PLA2R1: variants seen among roughly 807,000 people sequenced by gnomAD.
The protein encoded by PLA2R1 is secretory phospholipase A2 receptor.
Under a neutral mutation model 195.9 loss-of-function variants are expected in PLA2R1, and 158 were observed. The ratio of observed to expected loss-of-function variants is 0.81; its 90% CI spans 0.71 to 0.92. The LOEUF is 0.92. Among genes scored for constraint, PLA2R1 ranks in the 40% least tolerant of loss-of-function variants. The pLI, the probability that PLA2R1 is intolerant of heterozygous loss-of-function variation, is 0.00. For missense variants in PLA2R1, 1,626 were observed against 1,764.6 expected (o/e 0.92, Z 1.41); for synonymous variants, 586 against 598.2 (o/e 0.98, Z 0.30).
chr2:160,050,296 G>T (rs1695137616), intron 1 of PLA2R1, among the ~76,000 whole-genome samples: 1 of 152,204 alleles, frequency 6.6e-6, no homozygotes, highest in African/African-American at 2.4e-5. Context: ...ACATGTACTT[G>T]CCCACTTTCT....
chr2:159,946,636 G>A (rs1230405326), intron 27 of PLA2R1, 165 bp downstream of exon 27: 1 of 1,364,446 alleles, frequency 7.3e-7, no homozygotes, highest in Non-Finnish European at 9.4e-7. Flanking sequence ...AAAGGGTAAA[G>A]AAAAGGGTTG....
rs60471867 is a variant in PLA2R1 at position 160,024,287 on chromosome 2, T to A, written c.1100-1428A>T. ...TCTACCTCGTGGCCCACCATCCCCATGCCAAGCTGCTGTGGGGCTCTCACT... is the reference window on the plus strand; with the variant it reads ...TCTACCTCGTGGCCCACCATCCCCAAGCCAAGCTGCTGTGGGGCTCTCACT... On this transcript the variant is annotated intron_variant, in intron 6 of 29. Transcript: ENST00000283243. 5.9e-5 allele frequency among the ~76,000 whole-genome samples: 9 copies of A among 152,254 alleles called. No homozygotes were observed. In the East Asian group the frequency reaches 1.5e-3, roughly 26 times the overall value.
intron 1 of PLA2R1, among the ~76,000 whole-genome samples, chr2:160,059,964 A>C (rs1695842165): frequency 6.6e-6 from 1 of 152,174 alleles, no homozygotes; most frequent in East Asian, 1.9e-4. Context: ...ATTCAAGTTG[A>C]GATTTGGGTG....
chr2:160,028,952 TG>T lies in PLA2R1; in HGVS notation c.852del (p.Ser284ArgfsTer31). Reference sequence around the variant, plus strand: ...CCCATCCACACCTCCACTGTTTTACTGCTCATGTGCTCTGAAATGAAAATTA... The same window carrying T: ...CCCATCCACACCTCCACTGTTTTACTCTCATGTGCTCTGAAATGAAAATTA... ...TEENFIREHM[S>X]SKTVEVWMGL... is the part of the protein sequence containing the mutation. On this transcript the variant is annotated frameshift_variant, in exon 5 of 30. Coordinates refer to ENST00000283243, the MANE Select transcript of PLA2R1 (RefSeq NM_007366.5). LOFTEE classifies it high-confidence loss of function. The T allele has an allele frequency of 6.4e-7, 1 of 1,557,312 alleles. No homozygotes were observed. Among genetic ancestry groups the T allele is most frequent in the Non-Finnish European group, 8.9e-7 (1 of 1,126,420 alleles).
At chr2:159,977,938 T>A (rs1689689347) in intron 14 of PLA2R1, among the ~76,000 whole-genome samples, 1 of 151,656 alleles carries the variant, frequency 6.6e-6, no homozygotes, top group African/African-American at 2.4e-5. Flanking sequence ...TCAAAAAAAA[T>A]AAATAAATAA....
chr2:159,991,830 A>G (rs1690825521), intron 11 of PLA2R1, among the ~76,000 whole-genome samples: 1 of 97,528 alleles, frequency 1.0e-5, no homozygotes, highest in Admixed American at 1.1e-4. Flanking sequence ...TCCATGGTGT[A>G]TATGTGCCAC....
chr2:160,031,777 T>C (rs907878011), intron 4 of PLA2R1, among the ~76,000 whole-genome samples: 22 of 152,340 alleles, frequency 1.4e-4, no homozygotes, highest in African/African-American at 4.6e-4. Context: ...TATGTATTTA[T>C]GTATTTTGAT....
At chr2:160,020,033 C>A in intron 8 of PLA2R1, 73 bp downstream of exon 8, 3 of 1,165,476 alleles carry the variant, frequency 2.6e-6, no homozygotes, top group Non-Finnish European at 3.7e-6. Context: ...TCTGCCACAG[C>A]CCAAAGCTCC....
the PLA2R1 span, among the ~76,000 whole-genome samples, chr2:159,925,567 A>AAG: frequency 6.6e-6 from 1 of 151,696 alleles, no homozygotes; most frequent in Non-Finnish European, 1.5e-5. Context: ...AAAGCAAAAA[A>AAG]AAAAAAAAAG....
chr2:160,054,705 G>A (rs1695423225), intron 1 of PLA2R1, among the ~76,000 whole-genome samples: 1 of 152,208 alleles, frequency 6.6e-6, no homozygotes, highest in Non-Finnish European at 1.5e-5. Flanking sequence ...TTTATAAAAT[G>A]TTTTTCCCTA....
intron 1 of PLA2R1, among the ~76,000 whole-genome samples, chr2:160,048,479 T>A (rs936314702): frequency 4.6e-5 from 7 of 152,216 alleles, no homozygotes; most frequent in Admixed American, 4.6e-4. Flanking sequence ...ACTGTTAATC[T>A]CCATAAATTC....
chr2:159,976,226 C>A lies in PLA2R1; in HGVS notation c.2438-1G>T, dbSNP rs781158210. The A allele has an allele frequency of 1.9e-6, 3 of 1,594,548 alleles. No homozygotes were observed. Among genetic ancestry groups the A allele is most frequent in the East Asian group, 2.2e-5 (1 of 44,456 alleles). ...TCCTGATAAAAGAGCCAGGGTACAT[C>A]TGAAAAAGAAACAGTGAAAATAATG... On this transcript the variant is annotated splice_acceptor_variant, in intron 16 of 29. Transcript: ENST00000283243. LOFTEE classifies it high-confidence loss of function.
rs1331557977 is a variant in PLA2R1, at chr2:159,932,763, G to C, written c.*9015C>G. ...AGACAATAATAAAACCACAGTTTCA[G>C]TGCTAGGGAGGGCAAGGAGAAAACA... On this transcript the variant is annotated 3_prime_UTR_variant, in exon 30 of 30. Coordinates refer to ENST00000283243, the MANE Select transcript of PLA2R1 (RefSeq NM_007366.5). The C allele has an allele frequency of 6.6e-6, 1 of 152,190 alleles. No individual in the cohort carries two copies. Among genetic ancestry groups the C allele is most frequent in the African/African-American group, 2.4e-5 (1 of 41,436 alleles). The allele number at this position is 152,190 out of a possible 1,614,324, so 9.4% of individuals were successfully genotyped here.
In PLA2R1 at chr2:159,955,235, T is replaced by C. The variant is rs750477651; in HGVS notation, c.3265A>G (p.Lys1089Glu). The change falls in exon 23 of 30, where the codon AAG (lysine) becomes GAG (glutamate). Residue 1089 changes from lysine (K) to glutamate (E), a missense_variant. Lys to Glu is a moderately conservative substitution (Grantham distance 56). Transcript: ENST00000283243. Reference sequence around the variant, plus strand: ...TCACAAACAAACCCATAGCCTTCCTTTCCACAGTCTTCAAAATACCATTTT... The same window carrying C: ...TCACAAACAAACCCATAGCCTTCCTCTCCACAGTCTTCAAAATACCATTTT... Reference protein sequence around the residue: ...TGKWYFEDCGKEGYGFVCEKM... With the variant: ...TGKWYFEDCGEEGYGFVCEKM... The C allele has an allele frequency of 8.1e-6, 13 of 1,611,428 alleles. No individual in the cohort carries two copies. In the East Asian group the frequency reaches 2.0e-4, roughly 25 times the overall value.
intron 20 of PLA2R1, among the ~76,000 whole-genome samples, chr2:159,961,124 T>C (rs1411847275): frequency 6.6e-6 from 1 of 152,152 alleles, no homozygotes; most frequent in African/African-American, 2.4e-5. Context: ...ATTTCCCTTT[T>C]AAAAATAAAG....
At position 159,951,698 on chromosome 2, in the gene PLA2R1, T is replaced by G. The variant is rs559604496; in HGVS notation, c.3302-120A>C. On this transcript the variant is annotated intron_variant, in intron 23 of 29. Transcript: ENST00000283243. ...TTGATCAGAGTGCTTTCTTCTGGAA[T>G]TGACTGTTTCAAAACAAGAACACTA... The G allele has an allele frequency of 7.6e-6, 5 of 656,444 alleles. No individual in the cohort carries two copies. The East Asian group carries it at 1.3e-4, about 17-fold the overall frequency. The allele number at this position is 656,444 out of a possible 1,614,324, so 40.7% of individuals were successfully genotyped here.
intron 8 of PLA2R1, among the ~76,000 whole-genome samples, chr2:160,019,007 G>A (rs1051349588): frequency 2.0e-5 from 3 of 152,214 alleles, no homozygotes; most frequent in African/African-American, 7.2e-5. Flanking sequence ...AACTCAGCCA[G>A]TGTATTCAGC....
rs74702627 is a variant in PLA2R1 at position 160,007,904 on chromosome 2, T to C, written c.1665-2083A>G. Among the ~76,000 whole-genome samples, 1,331 of 152,326 alleles carry C rather than the reference T, an allele frequency of 8.7e-3. 11 individuals are homozygous for C. Among genetic ancestry groups the C allele is most frequent in the Non-Finnish European group, 0.013 (866 of 68,018 alleles). Reference sequence around the variant, plus strand: ...AGAAAAGTTCATCCTAAAATCCATATGGAAATTCAAGGAACCCTGAATAGC... The same window carrying C: ...AGAAAAGTTCATCCTAAAATCCATACGGAAATTCAAGGAACCCTGAATAGC... On this transcript the variant is annotated intron_variant, in intron 10 of 29. Coordinates refer to ENST00000283243, the MANE Select transcript of PLA2R1 (RefSeq NM_007366.5).
At chr2:159,987,667 C>T (rs1427881111) in intron 11 of PLA2R1, among the ~76,000 whole-genome samples, 2 of 152,124 alleles carry the variant, frequency 1.3e-5, no homozygotes, top group Non-Finnish European at 2.9e-5. Flanking sequence ...AAAATATCCC[C>T]CATATTTCAA....
Sources: allele counts gnomAD v4.1 joint callset (sites outside exome capture counted in the v4.1 genomes callset), GRCh38; gene constraint gnomAD v4.1.1; transcripts MANE v1.5; gene names NCBI Gene and HGNC (gene_info 2026-07-23, HGNC 2026-07-21).